The following SLC6A5 variants were observed in gnomAD, a reference collection of about 807,000 sequenced individuals.
SLC6A5 encodes solute carrier family 6 member 5.
A neutral mutation model predicts 90.5 loss-of-function variants in SLC6A5; 58 were observed. That is an observed-to-expected ratio of 0.64 (90% CI 0.52 to 0.80). The LOEUF (loss-of-function observed/expected upper bound fraction) is 0.80. SLC6A5 is among the 30% of genes least tolerant of loss of function. The pLI, the probability that SLC6A5 is intolerant of heterozygous loss-of-function variation, is 0.00. For synonymous variants in SLC6A5, 427 were observed against 401.4 expected, an observed-to-expected ratio of 1.06 and a Z score of -0.76; for missense variants, 1,015 against 1,017.6, an observed-to-expected ratio of 1.00 and a Z score of 0.03.
intron 5 of SLC6A5, among the ~76,000 whole-genome samples, chr11:20,611,566 A>C (rs1335620807): frequency 6.6e-6 from 1 of 151,910 alleles, no homozygotes; most frequent in Non-Finnish European, 1.5e-5. Context: ...TCTTCAACCT[A>C]CTCCAAAACC....
Position 20,654,990 on chromosome 11 carries a change from C to T in SLC6A5, c.*122C>T, listed in dbSNP as rs138102026. ...CTTCCTACATCTTGGTTCACATCCACGCATGAGAGTGATTATGTAGAAAAG... is the reference window on the plus strand; with the variant it reads ...CTTCCTACATCTTGGTTCACATCCATGCATGAGAGTGATTATGTAGAAAAG... On this transcript the variant is annotated 3_prime_UTR_variant, in exon 16 of 16. Transcript: ENST00000525748. 1.9e-3 allele frequency: 1,995 copies of T among 1,037,478 alleles called. 12 individuals are homozygous for T. In the African/African-American group the frequency reaches 0.02, roughly 10 times the overall value. The allele number at this position is 1,037,478 out of a possible 1,614,324, so 64.3% of individuals were successfully genotyped here. A position where few individuals can be genotyped will look rare whatever the true frequency, so the allele number is the denominator to read the frequency against.
intron 14 of SLC6A5, among the ~76,000 whole-genome samples, 180 bp downstream of exon 14, chr11:20,647,114 T>C (rs1238482586): frequency 6.6e-6 from 1 of 151,616 alleles, no homozygotes; most frequent in African/African-American, 2.4e-5. Flanking sequence ...TGAAAAGACT[T>C]GCCTAAAGGT....
chr11:20,638,202 T>C (rs544590149), intron 12 of SLC6A5, among the ~76,000 whole-genome samples: 3 of 152,246 alleles, frequency 2.0e-5, no homozygotes, highest in Non-Finnish European at 2.9e-5. Context: ...AAGAATAAGA[T>C]GTTAAATCGC....
intron 3 of SLC6A5, among the ~76,000 whole-genome samples, chr11:20,604,977 A>G (rs1313856793): frequency 5.9e-5 from 9 of 152,198 alleles, no homozygotes; most frequent in Non-Finnish European, 1.2e-4. Context: ...TCTTACAGCG[A>G]AAACAAGTTT....
chr11:20,619,463 C>A (rs931704330), intron 7 of SLC6A5, among the ~76,000 whole-genome samples: 13 of 152,196 alleles, frequency 8.5e-5, no homozygotes, highest in African/African-American at 2.9e-4. Flanking sequence ...TGCCTTAAAT[C>A]ACAGAGTGTG....
Position 20,604,573 on chromosome 11 carries a change from G to T in SLC6A5, c.679+149G>T, listed in dbSNP as rs930530987. ...AGCCCTACACCTCGTAGGCTTGAGT[G>T]CATAACCAGAGGGCGGGGGCGACCA... On this transcript the variant is annotated intron_variant, in intron 3 of 15. Coordinates refer to ENST00000525748, the MANE Select transcript of SLC6A5 (RefSeq NM_004211.5). 2.1e-5 allele frequency: 20 copies of T among 948,130 alleles called. No individual in the cohort carries two copies. In the African/African-American group the frequency reaches 2.3e-4, roughly 11 times the overall value. 58.7% of individuals were successfully genotyped at this position (948,130 alleles called of 1,614,324 possible).
Position 20,658,485 on chromosome 11 carries a change from G to A in SLC6A5, c.*3617G>A, listed in dbSNP as rs1565293955. ...AGCATTTCCTTCTCTTTCACACTGG[G>A]TATCAAGCAGAAAACTTCCAGGCTG... On this transcript the variant is annotated 3_prime_UTR_variant, in exon 16 of 16. Coordinates refer to ENST00000525748, the MANE Select transcript of SLC6A5 (RefSeq NM_004211.5). The A allele has an allele frequency of 6.6e-6, 1 of 152,082 alleles. No individual in the cohort carries two copies. Among genetic ancestry groups the A allele is most frequent in the Non-Finnish European group, 1.5e-5 (1 of 68,034 alleles). 9.4% of individuals were successfully genotyped at this position (152,082 alleles called of 1,614,324 possible). A position where few individuals can be genotyped will look rare whatever the true frequency, so the allele number is the denominator to read the frequency against.
intron 7 of SLC6A5, among the ~76,000 whole-genome samples, chr11:20,626,210 A>G (rs1036390932): frequency 6.6e-6 from 1 of 152,242 alleles, no homozygotes; most frequent in African/African-American, 2.4e-5. Flanking sequence ...TCAGTGCCAG[A>G]TGTACAGTTT....
chr11:20,657,915 TTTTA>T lies in SLC6A5; in HGVS notation c.*3050_*3053del, dbSNP rs1438045798. 4 of 152,234 alleles carry T rather than the reference TTTTA, an allele frequency of 2.6e-5. No homozygotes were observed. Among genetic ancestry groups the T allele is most frequent in the African/African-American group, 9.6e-5 (4 of 41,460 alleles). 9.4% of individuals were successfully genotyped at this position (152,234 alleles called of 1,614,324 possible). On this transcript the variant is annotated 3_prime_UTR_variant, in exon 16 of 16. Coordinates refer to ENST00000525748, the MANE Select transcript of SLC6A5 (RefSeq NM_004211.5). ...TCAGGTACAAATGTGTCTAGTTCTG[TTTTA>T]TTGTTTCTTTTTCCTTTATATTTAT...
intron 7 of SLC6A5, among the ~76,000 whole-genome samples, chr11:20,623,388 C>T (rs1252825052): frequency 6.6e-6 from 1 of 152,170 alleles, no homozygotes; most frequent in Admixed American, 6.5e-5. Flanking sequence ...CTCACACTCC[C>T]CATGAAGTCT....
At position 20,600,324 on chromosome 11, in the gene SLC6A5, AAAGAAGAAGAGGAAG is replaced by A. The variant is rs1444266160; in HGVS notation, c.3+660_3+674del. Among the ~76,000 whole-genome samples the A allele has an allele frequency of 8.3e-3, 1,033 of 124,742 alleles. 13 individuals are homozygous for A. The highest frequency in any genetic ancestry group is 0.022 in the East Asian group (89 of 4,022). The allele number at this position is 124,742 out of a possible 152,430, so 81.8% of individuals were successfully genotyped here. ...AGACTCCTGTGAATAGTTACGCAAA[AAAGAAGAAGAGGAAG>A]AAGAAGAAGAAGAAGAAGAAGAAGA... is the stretch of plus-strand genomic sequence containing the variant. On this transcript the variant is annotated intron_variant, in intron 1 of 15. Transcript: ENST00000525748.
Position 20,617,814 on chromosome 11 carries a change from C to T in SLC6A5, c.1190C>T (p.Ala397Val). Reference protein sequence around the residue: ...EYPGEIRWPLALCLFLAWVIV... With the variant: ...EYPGEIRWPLVLCLFLAWVIV... ...CCTGGCGAGATCAGGTGGCCACTAG[C>T]TCTCTGCCTCTTCCTGGCTTGGGTC... Residue 397 changes from alanine to valine, a missense_variant, in exon 7 of 16, where the codon GCT becomes GTT. Physicochemically the swap from Ala to Val is moderately conservative, Grantham distance 64 (BLOSUM62 0). This residue lies in a region of SLC6A5 where 6 missense variants were observed against 16.1 expected (regional missense o/e 0.37). Transcript: ENST00000525748. The T allele has an allele frequency of 6.2e-7, 1 of 1,614,132 alleles. No homozygotes were observed. The highest frequency in any genetic ancestry group is 8.5e-7 in the Non-Finnish European group (1 of 1,179,958).
At chr11:20,609,351 A>G (rs1316692228) in intron 5 of SLC6A5, among the ~76,000 whole-genome samples, 5 of 151,102 alleles carry the variant, frequency 3.3e-5, no homozygotes, top group Non-Finnish European at 7.4e-5. Flanking sequence ...CAGCCCCTCC[A>G]TCTGTCATTC....
Position 20,617,742 on chromosome 11 carries a change from C to A in SLC6A5, c.1128-10C>A. The A allele has an allele frequency of 6.2e-7, 1 of 1,613,428 alleles. No homozygotes were observed. The highest frequency in any genetic ancestry group is 1.7e-4 in the Middle Eastern group (1 of 5,780). ...CTATCACTCCCCCCATCCCTCCCTC[C>A]AACTCTCAGGTACTTTGTGCTGAAG... On this transcript the variant is annotated splice_polypyrimidine_tract_variant and intron_variant, in intron 6 of 15. Coordinates refer to ENST00000525748, the MANE Select transcript of SLC6A5 (RefSeq NM_004211.5).
chr11:20,625,742 G>A (rs935846514), intron 7 of SLC6A5, among the ~76,000 whole-genome samples: 9 of 151,718 alleles, frequency 5.9e-5, no homozygotes, highest in African/African-American at 2.2e-4. Context: ...TGCCTCACAC[G>A]CCTGCCTTGC....
At chr11:20,635,178 A>G (rs1368703081) in intron 10 of SLC6A5, among the ~76,000 whole-genome samples, 2 of 152,136 alleles carry the variant, frequency 1.3e-5, no homozygotes, top group Non-Finnish European at 2.9e-5. Context: ...TGTAGGGGGT[A>G]CTGGGCTCAG....
chr11:20,624,769 T>C (rs1852959811), intron 7 of SLC6A5, among the ~76,000 whole-genome samples: 1 of 152,186 alleles, frequency 6.6e-6, no homozygotes, highest in South Asian at 2.1e-4. Flanking sequence ...CAAGTGTCTT[T>C]TAATGCACTT....
chr11:20,617,710 C>A lies in SLC6A5; in HGVS notation c.1128-42C>A, dbSNP rs537940346. 1.4e-5 allele frequency: 23 copies of A among 1,593,730 alleles called. 1 individual carries two copies. The South Asian group carries it at 1.8e-4, about 12-fold the overall frequency. On this transcript the variant is annotated intron_variant, in intron 6 of 15. Coordinates refer to ENST00000525748, the MANE Select transcript of SLC6A5 (RefSeq NM_004211.5). ...CTACTGCCTGTCACCTCCCTCTCTC[C>A]TTCTTTCTATCACTCCCCCCATCCC...
chr11:20,632,007 C>G (rs1380403593), intron 10 of SLC6A5, among the ~76,000 whole-genome samples: 1 of 152,152 alleles, frequency 6.6e-6, no homozygotes, highest in Non-Finnish European at 1.5e-5. Context: ...GAGTGTAAAA[C>G]CCTGAGGGGT....
Sources: gnomAD v4.1 joint callset for allele counts (sites outside exome capture counted in the v4.1 genomes callset) on GRCh38, gnomAD v4.1.1 for gene constraint, gnomAD v4.1.1 regional missense constraint, MANE v1.5 for transcripts, NCBI Gene and HGNC (gene_info 2026-07-23, HGNC 2026-07-21) for gene names.